Variants in NBPF14 observed in about 807,000 individuals in gnomAD.
NBPF14 encodes the protein NBPF family member NBPF14.
NBPF14 carries 104 observed loss-of-function variants against 91.2 expected under a neutral mutation model. The observed-to-expected ratio is 1.14, with a 90% CI of 0.97 to 1.34. NBPF14 has a LOEUF of 1.34. NBPF14 is among the 40% of genes most tolerant of loss of function. The pLI is 0.00. For missense variants in NBPF14, 908 were observed against 783.0 expected (o/e 1.16, Z -1.91); for synonymous variants, 294 against 303.8 (o/e 0.97, Z 0.34).
At chr1:148,566,508 GACACACACACACACAC>G (rs1170223898) in intron 28 of NBPF14, among the ~76,000 whole-genome samples, 193 bp from the exon 29 acceptor site, 1 of 122,104 alleles carries the variant, frequency 8.2e-6, no homozygotes, top group African/African-American at 3.0e-5. Flanking sequence ...GAGAAAGACA[GACACACACACACACAC>G]ACACACACAC....
chr1:148,534,833 T>C (rs1654731042), exon 69 of NBPF14: 7 of 1,097,364 alleles, frequency 6.4e-6, no homozygotes, highest in Admixed American at 1.7e-5. Context: ...AGGATCTTTC[T>C]CATCCAGCAG....
At chr1:148,533,507 T>A (rs1553331488) in intron 70 of NBPF14, among the ~76,000 whole-genome samples, 1 of 151,364 alleles carries the variant, frequency 6.6e-6, no homozygotes, top group Non-Finnish European at 1.5e-5. Context: ...CCAGGTGACA[T>A]ACTGGTAAGG....
In NBPF14 at chr1:148,593,368, C is replaced by A. The variant is rs1159596104; in HGVS notation, c.278+230G>T. On this transcript the variant is annotated intron_variant, in intron 3 of 70. Coordinates refer to ENST00000619423, the Ensembl canonical transcript of NBPF14. ...GAATTTTGTGTTATGTAAATTTCAC[C>A]TCAACAATTACTTGTTTGAAAAAGA... Among the ~76,000 whole-genome samples the A allele has an allele frequency of 3.5e-4, 51 of 145,946 alleles. 1 individual carries two copies. Among genetic ancestry groups the A allele is most frequent in the African/African-American group, 7.8e-4 (31 of 39,848 alleles).
Position 148,553,475 on chromosome 1 carries a change from C to T in NBPF14, c.5686+65G>A. The T allele has an allele frequency of 2.4e-5, 3 of 123,470 alleles. 1 individual carries two copies. Among genetic ancestry groups the T allele is most frequent in the South Asian group, 2.0e-4 (3 of 14,686 alleles). 7.6% of individuals were successfully genotyped at this position (123,470 alleles called of 1,614,324 possible). On this transcript the variant is annotated intron_variant, in intron 45 of 70. Transcript: ENST00000619423. ...TCGGGTCAGTAAGGGGCACTTGGAA[C>T]AGGAATATCACCCCTATCTGGAAGA...
At chr1:148,574,450 C>CAT (rs1373956389) in intron 18 of NBPF14, among the ~76,000 whole-genome samples, 1 of 55,054 alleles carries the variant, frequency 1.8e-5, no homozygotes, top group African/African-American at 7.8e-5. Context: ...CACACACACA[C>CAT]ACACACACAC....
chr1:148,559,726 C>A (rs1657369617), intron 37 of NBPF14, 67 bp downstream of exon 37: 1 of 832,876 alleles, frequency 1.2e-6, no homozygotes, highest in Admixed American at 2.0e-5. Flanking sequence ...GGGCCACTTG[C>A]AGTAGGAATA....
chr1:148,593,530 C>G (rs1406033804), intron 3 of NBPF14, 68 bp downstream of exon 3: 2 of 1,194,136 alleles, frequency 1.7e-6, no homozygotes, highest in Non-Finnish European at 2.4e-6. Flanking sequence ...TACTTCTCCC[C>G]GCCGAGCTGC....
chr1:148,572,405 C>A, intron 21 of NBPF14, 38 bp downstream of exon 21: 4 of 425,760 alleles, frequency 9.4e-6, no homozygotes, highest in Non-Finnish European at 1.2e-5. Flanking sequence ...TCTGGAAGAC[C>A]AGGTGGAGGC....
rs1348850222 is a variant in NBPF14, at chr1:148,559,455, G to A, written c.4729+338C>T. Among the ~76,000 whole-genome samples, 7 of 132,222 alleles carry A rather than the reference G, an allele frequency of 5.3e-5. 1 individual carries two copies. The highest frequency in any genetic ancestry group is 7.4e-5 in the Admixed American group (1 of 13,544). The allele number at this position is 132,222 out of a possible 152,430, so 86.7% of individuals were successfully genotyped here. On this transcript the variant is annotated intron_variant, in intron 37 of 70. Transcript: ENST00000619423. Reference sequence around the variant, plus strand: ...GTTCATGGTAGCGAGGATTTCAGACGCTGAAATTAGAGTGAAGGATGAAAT... The same window carrying A: ...GTTCATGGTAGCGAGGATTTCAGACACTGAAATTAGAGTGAAGGATGAAAT...
Position 148,559,780 on chromosome 1 carries a change from G to C in NBPF14, c.4729+13C>G, listed in dbSNP as rs1657388055. 6.2e-6 allele frequency: 9 copies of C among 1,446,496 alleles called. No individual in the cohort carries two copies. The Admixed American group carries it at 9.0e-5, about 14-fold the overall frequency. 89.6% of individuals were successfully genotyped at this position (1,446,496 alleles called of 1,614,324 possible). A position where few individuals can be genotyped will look rare whatever the true frequency, so the allele number is the denominator to read the frequency against. ...TCAGTGGATCCTTATCACCTTCATA[G>C]AAAGGTACTCACCATCCATGTCAAC... On this transcript the variant is annotated intron_variant, in intron 37 of 70. Coordinates refer to ENST00000619423, the Ensembl canonical transcript of NBPF14.
At chr1:148,585,461 C>T (rs1458809430) in intron 9 of NBPF14, among the ~76,000 whole-genome samples, 1 of 151,604 alleles carries the variant, frequency 6.6e-6, no homozygotes. Flanking sequence ...TCCCATATCA[C>T]TGGAGGCTTG....
At chr1:148,586,810 T>A (rs1221082244) in intron 8 of NBPF14, among the ~76,000 whole-genome samples, 1 of 138,872 alleles carries the variant, frequency 7.2e-6, no homozygotes, top group Non-Finnish European at 1.6e-5. Flanking sequence ...ACATAGTGCA[T>A]CTTGCGGCCA....
Position 148,566,245 on chromosome 1 carries a change from T to G in NBPF14, c.3613A>C (p.Thr1205Pro), listed in dbSNP as rs1658235953. Residue 1205 changes from threonine (T) to proline (P), a missense_variant, in exon 29 of 71, where the codon ACT (threonine) becomes CCT (proline). Coordinates refer to ENST00000619423, the Ensembl canonical transcript of NBPF14. ...GGCTGTTCAAGACAACTGGAAGGAG[T>G]TGAATAACATCTATCCAGTGAGTCC... 2.9e-5 allele frequency: 18 copies of G among 616,596 alleles called. 1 individual carries two copies. Among genetic ancestry groups the G allele is most frequent in the Non-Finnish European group, 5.7e-6 (2 of 349,898 alleles). The allele number at this position is 616,596 out of a possible 1,614,324, so 38.2% of individuals were successfully genotyped here.
chr1:148,561,813 A>G, intron 34 of NBPF14, among the ~76,000 whole-genome samples: 1 of 136,904 alleles, frequency 7.3e-6, no homozygotes, highest in South Asian at 2.2e-4. Context: ...ACACACACAC[A>G]CACACAGAGA....
rs1481726040 is a variant in NBPF14, at chr1:148,534,207, T to C, written c.8615-238A>G. On this transcript the variant is annotated intron_variant, in intron 69 of 70. Transcript: ENST00000619423. ...TAGATCGTTATCCCAATATCATTTG[T>C]CCCAAGTTTCTGCAAACAGTTACGC... Among the ~76,000 whole-genome samples, 80 of 150,826 alleles carry C rather than the reference T, an allele frequency of 5.3e-4. 1 individual carries two copies. The highest frequency in any genetic ancestry group is 1.9e-3 in the African/African-American group (78 of 40,858).
intron 6 of NBPF14, among the ~76,000 whole-genome samples, chr1:148,589,666 T>G (rs1662114436): frequency 1.3e-4 from 14 of 109,842 alleles, no homozygotes; most frequent in Non-Finnish European, 3.9e-5. Context: ...TTTTACCCCA[T>G]GAGTGGCCAA....
chr1:148,566,145 C>T, exon 29 of NBPF14: 5 of 504,512 alleles, frequency 9.9e-6, no homozygotes, highest in Middle Eastern at 4.9e-4. Context: ...GTACTCACCT[C>T]CCACGTCAAG....
intron 10 of NBPF14, among the ~76,000 whole-genome samples, chr1:148,584,920 A>T (rs1661260321): frequency 6.9e-6 from 1 of 145,244 alleles, no homozygotes; most frequent in African/African-American, 2.5e-5. Context: ...GCTGAGGAGG[A>T]TGAAGACTCA....
chr1:148,561,778 C>T (rs1176972131), intron 34 of NBPF14, among the ~76,000 whole-genome samples, 199 bp from the exon 35 acceptor site: 1 of 43,724 alleles, frequency 2.3e-5, no homozygotes, highest in East Asian at 1.2e-3. Context: ...GACAGATAGA[C>T]ACACACACAC....
Sources: gnomAD v4.1 joint callset for allele counts (sites outside exome capture counted in the v4.1 genomes callset) on GRCh38, gnomAD v4.1.1 for gene constraint, MANE v1.5 for transcripts, NCBI Gene and HGNC (gene_info 2026-07-23, HGNC 2026-07-21) for gene names.